CELF2: variants seen among roughly 807,000 people sequenced by gnomAD.
CELF2 encodes CUG triplet repeat RNA-binding protein 2.
Under a neutral mutation model 62.6 loss-of-function variants are expected in CELF2, and 8 were observed. The ratio of observed to expected loss-of-function variants is 0.13; its 90% confidence interval spans 0.07 to 0.23. The LOEUF (loss-of-function observed/expected upper bound fraction) is 0.23. CELF2 is among the 10% of genes least tolerant of loss of function. The pLI is 1.00. For synonymous variants in CELF2, 258 were observed against 250.0 expected (o/e 1.03, Z -0.30); for missense variants, 333 against 671.0 (o/e 0.50, Z 5.56).
At position 11,201,350 on chromosome 10, in the gene CELF2, C is replaced by A. The variant is rs114098398; in HGVS notation, c.272-16075C>A. Reference sequence around the variant, plus strand: ...ATGGATATTGGTGGGTGGCTTTCCTCCATGTGGTGATGCAGGGATCCAGGC... The same window carrying A: ...ATGGATATTGGTGGGTGGCTTTCCTACATGTGGTGATGCAGGGATCCAGGC... On this transcript the variant is annotated intron_variant, in intron 2 of 12. Coordinates refer to ENST00000633077, the MANE Select transcript of CELF2 (RefSeq NM_001326342.2). Among the ~76,000 whole-genome samples the A allele has an allele frequency of 8.4e-3, 1,275 of 152,274 alleles. 14 individuals carry two copies. The highest frequency in any genetic ancestry group is 0.029 in the African/African-American group (1,199 of 41,550).
At chr10:10,634,567 T>G in the CELF2 span, among the ~76,000 whole-genome samples, 1 of 152,202 alleles carries the variant, frequency 6.6e-6, no homozygotes, top group Non-Finnish European at 1.5e-5. Flanking sequence ...TTCCTTTGTA[T>G]TTTGCTTTCT....
In CELF2 at chr10:11,173,741, C is replaced by T. The variant is rs148284523; in HGVS notation, c.271+8059C>T. On this transcript the variant is annotated intron_variant, in intron 2 of 12. Coordinates refer to ENST00000633077, the MANE Select transcript of CELF2 (RefSeq NM_001326342.2). Reference sequence around the variant, plus strand: ...AATATTGGGTGGGCCAAACCTTTTACGAGAACAGCTCACAGGCATGCCAGA... The same window carrying T: ...AATATTGGGTGGGCCAAACCTTTTATGAGAACAGCTCACAGGCATGCCAGA... 2.0e-4 allele frequency among the ~76,000 whole-genome samples: 30 copies of T among 152,210 alleles called. 2 individuals are homozygous for T. In the East Asian group the frequency reaches 5.4e-3, roughly 27 times the overall value.
chr10:10,483,643 A>G, the CELF2 span, among the ~76,000 whole-genome samples: 2 of 152,184 alleles, frequency 1.3e-5, no homozygotes, highest in Admixed American at 6.5e-5. Flanking sequence ...GCAGTGAAAT[A>G]AAGACAGCAG....
intron 2 of CELF2, among the ~76,000 whole-genome samples, chr10:10,975,513 G>A (rs1564294414): frequency 1.3e-5 from 2 of 152,158 alleles, no homozygotes; most frequent in Non-Finnish European, 2.9e-5. Flanking sequence ...TCCAATGTCA[G>A]GTCCACAAAC....
At chr10:11,065,560 A>G (rs913827535) in intron 1 of CELF2, among the ~76,000 whole-genome samples, 2 of 152,192 alleles carry the variant, frequency 1.3e-5, no homozygotes, top group African/African-American at 4.8e-5. Context: ...ATCCATGTCA[A>G]AATGAGGGGG....
chr10:10,687,039 C>A, the CELF2 span, among the ~76,000 whole-genome samples: 1 of 152,176 alleles, frequency 6.6e-6, no homozygotes, highest in African/African-American at 2.4e-5. Flanking sequence ...GCAGCATATG[C>A]TCCTTACCTG....
At chr10:10,632,665 G>A in the CELF2 span, among the ~76,000 whole-genome samples, 14 of 152,014 alleles carry the variant, frequency 9.2e-5, no homozygotes, top group African/African-American at 2.2e-4. Context: ...TTTGTTTGTC[G>A]GTGTTCGCTA....
chr10:11,162,615 G>A (rs534161362), intron 1 of CELF2, among the ~76,000 whole-genome samples: 1 of 150,084 alleles, frequency 6.7e-6, no homozygotes, highest in Non-Finnish European at 1.5e-5. Flanking sequence ...GGTGGGGGGG[G>A]TGAAAAAAAT....
chr10:10,855,543 G>T (rs1419306433), intron 1 of CELF2, among the ~76,000 whole-genome samples: 1 of 152,214 alleles, frequency 6.6e-6, no homozygotes, highest in Non-Finnish European at 1.5e-5. Flanking sequence ...TACACAGATT[G>T]TGACTTTAAA....
rs559116832 is a variant in CELF2 at position 10,958,834 on chromosome 10, G to A, written c.89+38835G>A. ...AATCCAGCCTCGGTAACACAGCGAA[G>A]CCTAGTCTCTAAAAAAAAAGAAAAA... On this transcript the variant is annotated intron_variant, in intron 2 of 13. Transcript: ENST00000636488. 5.9e-5 allele frequency among the ~76,000 whole-genome samples: 9 copies of A among 152,104 alleles called. No homozygotes were observed. The South Asian group carries it at 1.9e-3, about 32-fold the overall frequency.
intron 1 of CELF2, among the ~76,000 whole-genome samples, chr10:11,132,338 A>G (rs1422282419): frequency 6.6e-6 from 1 of 152,072 alleles, no homozygotes; most frequent in Non-Finnish European, 1.5e-5. Context: ...AGTTTTTACA[A>G]GGTAGGTTGT....
In CELF2 at chr10:11,006,759, T is replaced by C. The variant is rs572698247; in HGVS notation, c.53+1319T>C. ...AACTATTATTATATAGCCTATTAAGTTGTGAAGTTCAAGGTCTCTGTGGAA... is the reference window on the plus strand; with the variant it reads ...AACTATTATTATATAGCCTATTAAGCTGTGAAGTTCAAGGTCTCTGTGGAA... On this transcript the variant is annotated intron_variant, in intron 1 of 12. Coordinates refer to the CELF2 transcript ENST00000416382. 5.3e-4 allele frequency among the ~76,000 whole-genome samples: 80 copies of C among 152,348 alleles called. 1 individual carries two copies. Among genetic ancestry groups the C allele is most frequent in the Non-Finnish European group, 1.0e-3 (69 of 68,018 alleles).
At chr10:10,994,996 T>C (rs1217269474) in intron 2 of CELF2, among the ~76,000 whole-genome samples, 2 of 152,180 alleles carry the variant, frequency 1.3e-5, no homozygotes, top group Admixed American at 1.3e-4. Flanking sequence ...TGCAAAAGTC[T>C]CCCTGGTGAT....
the CELF2 span, among the ~76,000 whole-genome samples, chr10:10,572,597 A>ATCTC: frequency 6.6e-6 from 1 of 151,740 alleles, no homozygotes; most frequent in Admixed American, 6.6e-5. Flanking sequence ...TATAAGTGAG[A>ATCTC]ACATGTGGTG....
At chr10:10,653,032 C>A in the CELF2 span, among the ~76,000 whole-genome samples, 4 of 151,978 alleles carry the variant, frequency 2.6e-5, no homozygotes, top group Non-Finnish European at 5.9e-5. Flanking sequence ...ATCTACCAAG[C>A]AAATGGAAAA....
intron 1 of CELF2, among the ~76,000 whole-genome samples, chr10:11,099,881 CAACA>C (rs1442705432): frequency 5.2e-5 from 7 of 133,772 alleles, no homozygotes; most frequent in African/African-American, 1.9e-4. Context: ...ACAACAACAA[CAACA>C]AAAAAAAAAA....
the CELF2 span, among the ~76,000 whole-genome samples, chr10:10,664,920 C>A: frequency 6.6e-6 from 1 of 152,200 alleles, no homozygotes; most frequent in Non-Finnish European, 1.5e-5. Flanking sequence ...ATTATCATTG[C>A]AACTAATCAA....
At chr10:10,876,241 T>C (rs973807669) in intron 1 of CELF2, among the ~76,000 whole-genome samples, 1 of 152,166 alleles carries the variant, frequency 6.6e-6, no homozygotes, top group African/African-American at 2.4e-5. Context: ...CCTTCCCCTA[T>C]AAATATGTTA....
chr10:10,465,777 G>T, the CELF2 span, among the ~76,000 whole-genome samples: 1 of 152,086 alleles, frequency 6.6e-6, no homozygotes, highest in Non-Finnish European at 1.5e-5. Context: ...GAAAAGAGAT[G>T]GTTATGGCGG....
Sources: allele counts gnomAD v4.1 joint callset (sites outside exome capture counted in the v4.1 genomes callset), GRCh38; gene constraint gnomAD v4.1.1; transcripts MANE v1.5; gene names NCBI Gene and HGNC (gene_info 2026-07-23, HGNC 2026-07-21).